The following SGCZ variants were observed in gnomAD, a reference collection of about 807,000 sequenced individuals.
SGCZ encodes the protein zeta-sarcoglycan.
In SGCZ, 40 loss-of-function variants were observed where a neutral mutation model predicts 41.3. The observed-to-expected ratio is 0.97, with a 90% CI of 0.75 to 1.26. The LOEUF (loss-of-function observed/expected upper bound fraction) is 1.26. Ranked by LOEUF, SGCZ falls within the 50% of genes most tolerant of loss-of-function variation. The pLI, the probability that SGCZ is intolerant of heterozygous loss-of-function variation, is 0.00. For synonymous variants in SGCZ, 206 were observed against 137.5 expected (o/e 1.50, Z -3.49); for missense variants, 552 against 369.8 (o/e 1.49, Z -4.04).
At chr8:14,324,396 AC>A (rs1301641095) in intron 2 of SGCZ, among the ~76,000 whole-genome samples, 192 bp from the exon 3 acceptor site, 1 of 152,106 alleles carries the variant, frequency 6.6e-6, no homozygotes, top group Non-Finnish European at 1.5e-5. Flanking sequence ...TTTAAAATGA[AC>A]AGGAAAAGAG....
chr8:15,097,519 T>C (rs1302558721), intron 1 of SGCZ, among the ~76,000 whole-genome samples: 1 of 151,568 alleles, frequency 6.6e-6, no homozygotes, highest in African/African-American at 2.4e-5. Context: ...GAGGCCAAGA[T>C]GGGAGGATTA....
intron 1 of SGCZ, among the ~76,000 whole-genome samples, chr8:14,966,591 T>C (rs1198152879): frequency 6.6e-6 from 1 of 152,090 alleles, no homozygotes; most frequent in African/African-American, 2.4e-5. Context: ...ACTAATGCCA[T>C]ATTTACTAAT....
chr8:14,354,871 T>C (rs1175853881), intron 2 of SGCZ, among the ~76,000 whole-genome samples: 1 of 151,912 alleles, frequency 6.6e-6, no homozygotes, highest in Non-Finnish European at 1.5e-5. Context: ...AAATTTTATA[T>C]AAATTTATAA....
chr8:15,097,890 A>ATATATATATATATATATACGTGTG (rs1563124145), intron 1 of SGCZ, among the ~76,000 whole-genome samples: 2 of 16,128 alleles, frequency 1.2e-4, no homozygotes, highest in Non-Finnish European at 3.0e-4. Flanking sequence ...ATACGTGTGT[A>ATATATATATATATATATACGTGTG]TATATATATA....
At chr8:14,652,042 T>C (rs895290710) in intron 1 of SGCZ, among the ~76,000 whole-genome samples, 16 of 152,054 alleles carry the variant, frequency 1.1e-4, no homozygotes, top group Non-Finnish European at 1.9e-4. Flanking sequence ...TGGCTCACTT[T>C]TTCCATCTTT....
intron 1 of SGCZ, among the ~76,000 whole-genome samples, chr8:14,953,234 G>T (rs1363297537): frequency 1.3e-5 from 2 of 152,108 alleles, no homozygotes; most frequent in Non-Finnish European, 2.9e-5. Flanking sequence ...CAGTCATGGT[G>T]CAAGGCGAAG....
In SGCZ at chr8:15,180,233, A is replaced by ACACAT. The variant is rs542836094; in HGVS notation, c.39+57351_39+57352insATGTG. Among the ~76,000 whole-genome samples, 1,162 of 152,290 alleles carry ACACAT rather than the reference A, an allele frequency of 7.6e-3. 13 individuals carry two copies. The highest frequency in any genetic ancestry group is 0.025 in the African/African-American group (1,022 of 41,552). ...GAAATAATCCACACATGTTCTCCCC[A>ACACAT]GTTTATCTGAGTGCTTCAAATGTGT... On this transcript the variant is annotated intron_variant, in intron 1 of 7. Coordinates refer to ENST00000382080, the MANE Select transcript of SGCZ (RefSeq NM_139167.4).
At chr8:14,984,573 C>T (rs1801770501) in intron 1 of SGCZ, among the ~76,000 whole-genome samples, 1 of 151,980 alleles carries the variant, frequency 6.6e-6, no homozygotes, top group South Asian at 2.1e-4. Flanking sequence ...GTTGCTGCAA[C>T]CACACAATAT....
chr8:15,046,664 G>C (rs974535785), intron 1 of SGCZ, among the ~76,000 whole-genome samples: 2 of 151,898 alleles, frequency 1.3e-5, no homozygotes, highest in African/African-American at 4.8e-5. Flanking sequence ...CTAAGATCAG[G>C]ATGCTAGATG....
chr8:15,172,423 G>A (rs1799871509), intron 1 of SGCZ, among the ~76,000 whole-genome samples: 1 of 151,904 alleles, frequency 6.6e-6, no homozygotes, highest in Non-Finnish European at 1.5e-5. Flanking sequence ...GCCTCCCAAA[G>A]TGCTGGGTCT....
At chr8:14,724,130 C>G (rs1382815902) in intron 1 of SGCZ, among the ~76,000 whole-genome samples, 1 of 152,196 alleles carries the variant, frequency 6.6e-6, no homozygotes, top group South Asian at 2.1e-4. Context: ...TGTGTCTTAT[C>G]TTTAGTAATC....
At chr8:15,008,304 T>C (rs1299967412) in intron 1 of SGCZ, among the ~76,000 whole-genome samples, 1 of 152,000 alleles carries the variant, frequency 6.6e-6, no homozygotes, top group Non-Finnish European at 1.5e-5. Context: ...TAAGTTTCTG[T>C]CATGGTTTAA....
intron 3 of SGCZ, among the ~76,000 whole-genome samples, chr8:14,292,812 A>G (rs1435375174): frequency 6.7e-6 from 1 of 148,320 alleles, no homozygotes; most frequent in Non-Finnish European, 1.5e-5. Context: ...TACATGAAAA[A>G]GTAAATAAAC....
chr8:14,680,963 G>GAAAAAAAAAAAAAAAAAAA (rs374278969), intron 1 of SGCZ, among the ~76,000 whole-genome samples: 11 of 106,168 alleles, frequency 1.0e-4, no homozygotes, highest in South Asian at 3.0e-4. Flanking sequence ...AAAAAGAGTG[G>GAAAAAAAAAAAAAAAAAAA]GAAAAAAAAA....
chr8:14,445,799 G>A (rs1226659122), intron 2 of SGCZ, among the ~76,000 whole-genome samples: 1 of 152,172 alleles, frequency 6.6e-6, no homozygotes, highest in African/African-American at 2.4e-5. Flanking sequence ...AGTTAGGAGA[G>A]TAATGGAATA....
At chr8:14,947,028 A>G (rs1800474231) in intron 1 of SGCZ, among the ~76,000 whole-genome samples, 1 of 152,078 alleles carries the variant, frequency 6.6e-6, no homozygotes, top group Non-Finnish European at 1.5e-5. Context: ...GAGAAGGAAA[A>G]CCAAAAAAAT....
At chr8:14,978,848 G>T (rs1185209251) in intron 1 of SGCZ, among the ~76,000 whole-genome samples, 1 of 152,046 alleles carries the variant, frequency 6.6e-6, no homozygotes, top group Non-Finnish European at 1.5e-5. Flanking sequence ...ACCCAGGCTG[G>T]AGTGCAGTGG....
At chr8:15,181,964 G>GAA (rs1483818441) in intron 1 of SGCZ, among the ~76,000 whole-genome samples, 1 of 152,098 alleles carries the variant, frequency 6.6e-6, no homozygotes, top group Non-Finnish European at 1.5e-5. Context: ...TATGCAGTGA[G>GAA]AAAAAGTCCT....
intron 1 of SGCZ, among the ~76,000 whole-genome samples, chr8:14,848,525 G>T (rs1272782221): frequency 6.6e-6 from 1 of 152,158 alleles, no homozygotes; most frequent in African/African-American, 2.4e-5. Flanking sequence ...CAATAGAAGA[G>T]AATAGACAGA....
Sources: gnomAD v4.1 joint callset for allele counts (sites outside exome capture counted in the v4.1 genomes callset) on GRCh38, gnomAD v4.1.1 for gene constraint, MANE v1.5 for transcripts, NCBI Gene and HGNC (gene_info 2026-07-23, HGNC 2026-07-21) for gene names.